B4GALT6: variants seen among roughly 807,000 people sequenced by gnomAD.
B4GALT6 encodes the protein UDP-Gal:beta-GlcNAc beta-1,4-galactosyltransferase 6.
B4GALT6 carries 14 observed loss-of-function variants against 46.3 expected under a neutral mutation model. That is an observed-to-expected ratio of 0.30 (90% CI 0.20 to 0.47). B4GALT6 has a LOEUF of 0.47. Ranked by LOEUF, B4GALT6 falls within the 20% of genes least tolerant of loss-of-function variation. B4GALT6 has a pLI of 0.99. For synonymous variants in B4GALT6, 168 were observed against 162.0 expected, an observed-to-expected ratio of 1.04 and a Z score of -0.28; for missense variants, 386 against 480.1, an observed-to-expected ratio of 0.80 and a Z score of 1.83.
At chr18:31,642,835 C>A (rs1006786420) in intron 4 of B4GALT6, among the ~76,000 whole-genome samples, 17 of 152,214 alleles carry the variant, frequency 1.1e-4, no homozygotes, top group African/African-American at 4.1e-4. Context: ...CAAGCCTGCA[C>A]CACCACGCCC....
chr18:31,684,598 G>A (rs2074521201), upstream of B4GALT6: 5 of 1,268,670 alleles, frequency 3.9e-6, no homozygotes, highest in Admixed American at 5.9e-5. Context: ...GGAGGGAGCG[G>A]ACGGAATGAA....
chr18:31,637,440 A>C (rs1333331489), intron 5 of B4GALT6, among the ~76,000 whole-genome samples: 1 of 142,524 alleles, frequency 7.0e-6, no homozygotes, highest in Non-Finnish European at 1.5e-5. Flanking sequence ...ATATTTACTT[A>C]CCAACTGTAG....
chr18:31,689,693 G>A (rs145116322), upstream of B4GALT6, among the ~76,000 whole-genome samples: 6 of 151,316 alleles, frequency 4.0e-5, no homozygotes, highest in East Asian at 9.8e-4. Context: ...GCAGTGAGCC[G>A]AGATCACACC....
At chr18:31,659,198 T>A (rs780738265) in intron 2 of B4GALT6, among the ~76,000 whole-genome samples, 1 of 152,222 alleles carries the variant, frequency 6.6e-6, no homozygotes, top group Admixed American at 6.5e-5. Context: ...ATTCTTTGAA[T>A]GTTGAGTAAT....
chr18:31,674,854 A>T (rs1394085230), intron 1 of B4GALT6, among the ~76,000 whole-genome samples: 2 of 142,392 alleles, frequency 1.4e-5, no homozygotes, highest in Admixed American at 1.4e-4. Context: ...CAGGCTGTTT[A>T]AAAAAAAAAA....
chr18:31,640,679 C>T (rs1456324904), intron 4 of B4GALT6, among the ~76,000 whole-genome samples: 1 of 152,204 alleles, frequency 6.6e-6, no homozygotes, highest in Non-Finnish European at 1.5e-5. Context: ...TCTCTCTTGG[C>T]TCAGAAGCCT....
intron 3 of B4GALT6, among the ~76,000 whole-genome samples, chr18:31,656,224 G>T (rs1221870400): frequency 6.6e-6 from 1 of 152,020 alleles, no homozygotes; most frequent in South Asian, 2.1e-4. Flanking sequence ...CTACAAATAT[G>T]ATAGGCAAAG....
At position 31,675,149 on chromosome 18, in the gene B4GALT6, A is replaced by AAAAAAAAAACT. The variant is rs2074401453; in HGVS notation, c.116-8778_116-8777insAGTTTTTTTTT. On this transcript the variant is annotated intron_variant, in intron 1 of 8. Transcript: ENST00000306851. ...AAACTGACAAGAAATTCTTTGTAAA[A>AAAAAAAAAACT]GGTGTCTTTACAATTTCCACTCTGC... 5.9e-5 allele frequency among the ~76,000 whole-genome samples: 9 copies of AAAAAAAAAACT among 152,354 alleles called. No individual in the cohort carries two copies. The South Asian group carries it at 1.7e-3, about 28-fold the overall frequency.
intron 1 of B4GALT6, among the ~76,000 whole-genome samples, chr18:31,666,983 T>G (rs1031611391): frequency 1.3e-5 from 2 of 152,208 alleles, no homozygotes; most frequent in African/African-American, 4.8e-5. Flanking sequence ...AAAATCAAAA[T>G]CAATGTGTAT....
the B4GALT6 span, among the ~76,000 whole-genome samples, chr18:31,705,841 G>T: frequency 6.6e-6 from 1 of 152,176 alleles, no homozygotes; most frequent in Non-Finnish European, 1.5e-5. Context: ...AAATGTTATG[G>T]TTTTTTATTG....
chr18:31,658,945 T>C (rs1182030507), intron 2 of B4GALT6, among the ~76,000 whole-genome samples: 1 of 152,120 alleles, frequency 6.6e-6, no homozygotes, highest in Non-Finnish European at 1.5e-5. Context: ...TTTTTGAATG[T>C]GGAACCAGAG....
the B4GALT6 span, among the ~76,000 whole-genome samples, chr18:31,720,737 C>T: frequency 6.6e-6 from 1 of 152,228 alleles, no homozygotes; most frequent in Non-Finnish European, 1.5e-5. Context: ...TCACCCTGCT[C>T]ACCACCCGTG....
At chr18:31,695,714 T>C in the B4GALT6 span, among the ~76,000 whole-genome samples, 1 of 152,220 alleles carries the variant, frequency 6.6e-6, no homozygotes, top group Non-Finnish European at 1.5e-5. Context: ...ACTAGAAAAC[T>C]ATGTCATATG....
the B4GALT6 span, among the ~76,000 whole-genome samples, chr18:31,702,761 C>T: frequency 6.6e-6 from 1 of 152,136 alleles, no homozygotes; most frequent in Non-Finnish European, 1.5e-5. Context: ...GGCCAAGGCC[C>T]CACTTCTCTT....
At chr18:31,661,732 T>C (rs1175700195) in intron 2 of B4GALT6, among the ~76,000 whole-genome samples, 1 of 152,204 alleles carries the variant, frequency 6.6e-6, no homozygotes, top group Non-Finnish European at 1.5e-5. Flanking sequence ...TGTACAACTA[T>C]GATATAACAA....
intron 6 of B4GALT6, among the ~76,000 whole-genome samples, chr18:31,629,706 C>G (rs1242000175): frequency 6.7e-6 from 1 of 150,244 alleles, no homozygotes; most frequent in Admixed American, 6.6e-5. Context: ...AAAAATTAGC[C>G]AGGCGTGGTG....
At chr18:31,635,296 G>A (rs2073844453) in intron 5 of B4GALT6, among the ~76,000 whole-genome samples, 2 of 151,342 alleles carry the variant, frequency 1.3e-5, no homozygotes, top group South Asian at 4.2e-4. Flanking sequence ...ACACATTATG[G>A]GGAATTGAAG....
chr18:31,643,249 G>C (rs909466472), intron 4 of B4GALT6, among the ~76,000 whole-genome samples: 7 of 152,164 alleles, frequency 4.6e-5, no homozygotes, highest in African/African-American at 1.4e-4. Flanking sequence ...ACTACATTCT[G>C]AGAAGGATTT....
upstream of B4GALT6, chr18:31,686,293 C>G (rs1290833372): frequency 6.6e-6 from 1 of 152,156 alleles, no homozygotes; most frequent in Non-Finnish European, 1.5e-5. Flanking sequence ...ATAGATCGTC[C>G]CTGAGATAAT....
Sources: gnomAD v4.1 joint callset for allele counts (sites outside exome capture counted in the v4.1 genomes callset) on GRCh38, gnomAD v4.1.1 for gene constraint, MANE v1.5 for transcripts, NCBI Gene and HGNC (gene_info 2026-07-23, HGNC 2026-07-21) for gene names.